The following ZSWIM6 variants were observed in gnomAD, a reference collection of about 807,000 sequenced individuals.
ZSWIM6 encodes the protein zinc finger SWIM domain-containing protein 6.
In ZSWIM6, 9 loss-of-function variants were observed where a neutral mutation model predicts 113.2. That is an observed-to-expected ratio of 0.08 (90% CI 0.05 to 0.14). The LOEUF is 0.14. Ranked by LOEUF, ZSWIM6 falls within the 10% of genes least tolerant of loss-of-function variation. The pLI is 1.00. For synonymous variants in ZSWIM6, 611 were observed against 606.5 expected (o/e 1.01, Z -0.11); for missense variants, 1,162 against 1,552.2 (o/e 0.75, Z 4.22).
intron 1 of ZSWIM6, among the ~76,000 whole-genome samples, chr5:61,416,848 G>T (rs1746267768): frequency 6.6e-6 from 1 of 152,188 alleles, no homozygotes; most frequent in Non-Finnish European, 1.5e-5. Context: ...ACAAAATAGT[G>T]CATAAGGCCG....
intron 2 of ZSWIM6, among the ~76,000 whole-genome samples, chr5:61,489,003 C>T (rs977994219): frequency 6.6e-6 from 1 of 151,982 alleles, no homozygotes; most frequent in African/African-American, 2.4e-5. Flanking sequence ...AAAAACTAAG[C>T]TCTTTGCCAA....
intron 1 of ZSWIM6, among the ~76,000 whole-genome samples, chr5:61,355,864 G>T (rs2112045634): frequency 6.6e-6 from 1 of 152,210 alleles, no homozygotes; most frequent in African/African-American, 2.4e-5. Flanking sequence ...AATTTAGCCT[G>T]TTTATTTTAA....
intron 1 of ZSWIM6, among the ~76,000 whole-genome samples, chr5:61,360,353 G>A (rs1261087816): frequency 6.6e-6 from 1 of 152,246 alleles, no homozygotes; most frequent in Non-Finnish European, 1.5e-5. Context: ...TAGACTTCTA[G>A]CCCCTTGTAA....
At chr5:61,428,538 A>AT (rs1424609102) in intron 1 of ZSWIM6, among the ~76,000 whole-genome samples, 1 of 100,064 alleles carries the variant, frequency 1.0e-5, no homozygotes, top group Non-Finnish European at 1.9e-5. Context: ...AACTTAAAAC[A>AT]ATTTTTTTTT....
At chr5:61,393,765 G>A (rs1158412539) in intron 1 of ZSWIM6, among the ~76,000 whole-genome samples, 1 of 151,906 alleles carries the variant, frequency 6.6e-6, no homozygotes, top group Non-Finnish European at 1.5e-5. Context: ...ACTTTTAGAC[G>A]GAATGTACTG....
chr5:61,471,182 G>A (rs935630099), intron 1 of ZSWIM6, among the ~76,000 whole-genome samples: 2 of 152,188 alleles, frequency 1.3e-5, no homozygotes, highest in African/African-American at 4.8e-5. Flanking sequence ...TCACTGTGTA[G>A]CATTCAAGTT....
At chr5:61,452,172 G>C (rs1295601862) in intron 1 of ZSWIM6, among the ~76,000 whole-genome samples, 1 of 152,078 alleles carries the variant, frequency 6.6e-6, no homozygotes, top group African/African-American at 2.4e-5. Context: ...TGAGTGTCCT[G>C]TTCCTTTATA....
chr5:61,371,984 A>C (rs955377561), intron 1 of ZSWIM6, among the ~76,000 whole-genome samples: 12 of 152,310 alleles, frequency 7.9e-5, no homozygotes, highest in African/African-American at 2.6e-4. Flanking sequence ...ATTTAAATGT[A>C]AGCAGATCTT....
intron 1 of ZSWIM6, among the ~76,000 whole-genome samples, chr5:61,371,652 T>C (rs571495405): frequency 7.9e-5 from 12 of 152,342 alleles, no homozygotes; most frequent in Admixed American, 2.6e-4. Context: ...CGTGGCTTTG[T>C]GTACCAGGCG....
chr5:61,450,718 T>A (rs1210103017), intron 1 of ZSWIM6, among the ~76,000 whole-genome samples: 1 of 152,160 alleles, frequency 6.6e-6, no homozygotes, highest in African/African-American at 2.4e-5. Flanking sequence ...GTGAGTAGTA[T>A]ACAAGACAAA....
At chr5:61,506,863 A>G (rs1044473692) in intron 4 of ZSWIM6, among the ~76,000 whole-genome samples, 1 of 152,194 alleles carries the variant, frequency 6.6e-6, no homozygotes, top group Non-Finnish European at 1.5e-5. Context: ...AATATGATAA[A>G]TATTATGAAT....
intron 1 of ZSWIM6, among the ~76,000 whole-genome samples, chr5:61,468,843 T>G (rs1293845466): frequency 6.6e-6 from 1 of 152,204 alleles, no homozygotes. Context: ...AAGGCTGAAG[T>G]AGGCTTGGTT....
intron 4 of ZSWIM6, among the ~76,000 whole-genome samples, chr5:61,517,463 G>A (rs955317698): frequency 5.9e-5 from 9 of 152,016 alleles, no homozygotes; most frequent in African/African-American, 1.4e-4. Context: ...TAAAATTTCT[G>A]TTTAGTTCAT....
chr5:61,527,350 G>A (rs965610319), intron 7 of ZSWIM6, among the ~76,000 whole-genome samples: 24 of 151,978 alleles, frequency 1.6e-4, no homozygotes, highest in South Asian at 2.1e-4. Flanking sequence ...TTTGGTTTTG[G>A]TTTTGGTTAT....
chr5:61,417,208 T>C (rs1227881241), intron 1 of ZSWIM6, among the ~76,000 whole-genome samples: 1 of 152,226 alleles, frequency 6.6e-6, no homozygotes, highest in East Asian at 1.9e-4. Context: ...GAAATTAGGT[T>C]GGAACTGTAG....
At chr5:61,372,185 C>T (rs997469276) in intron 1 of ZSWIM6, among the ~76,000 whole-genome samples, 2 of 151,528 alleles carry the variant, frequency 1.3e-5, no homozygotes, top group African/African-American at 2.4e-5. Flanking sequence ...TCTACCATTG[C>T]GCATAAATGC....
chr5:61,409,063 G>A (rs1285455591), intron 1 of ZSWIM6, among the ~76,000 whole-genome samples: 1 of 149,586 alleles, frequency 6.7e-6, no homozygotes, highest in African/African-American at 2.5e-5. Flanking sequence ...TTTGTAATGA[G>A]GGGAAAGGTT....
Position 61,545,005 on chromosome 5 carries a change from A to G in ZSWIM6, c.*688A>G, listed in dbSNP as rs1026769110. 6.6e-6 allele frequency: 1 copy of G among 151,980 alleles called. No individual in the cohort carries two copies. The highest frequency in any genetic ancestry group is 6.6e-5 in the Admixed American group (1 of 15,260). The allele number at this position is 151,980 out of a possible 1,614,324, so 9.4% of individuals were successfully genotyped here. A position where few individuals can be genotyped will look rare whatever the true frequency, so the allele number is the denominator to read the frequency against. ...TATGTCTGAATATTGAAAATATAAC[A>G]TTAACTAATTTATAAAAAATATTCT... On this transcript the variant is annotated 3_prime_UTR_variant, in exon 14 of 14. Coordinates refer to ENST00000252744, the MANE Select transcript of ZSWIM6 (RefSeq NM_020928.2).
At chr5:61,487,272 C>G (rs1748041665) in intron 2 of ZSWIM6, among the ~76,000 whole-genome samples, 2 of 152,072 alleles carry the variant, frequency 1.3e-5, no homozygotes, top group Non-Finnish European at 2.9e-5. Flanking sequence ...TATACTAGCA[C>G]CAGGCTGTTT....
Sources: gnomAD v4.1 joint callset for allele counts (sites outside exome capture counted in the v4.1 genomes callset) on GRCh38, gnomAD v4.1.1 for gene constraint, MANE v1.5 for transcripts, NCBI Gene and HGNC (gene_info 2026-07-23, HGNC 2026-07-21) for gene names.